The following KIAA1328 variants were observed in gnomAD, a reference collection of about 807,000 sequenced individuals.
KIAA1328 encodes protein hinderin.
In KIAA1328, 52 loss-of-function variants were observed where a neutral mutation model predicts 68.1. The ratio of observed to expected loss-of-function variants is 0.76; its 90% CI spans 0.61 to 0.96. The LOEUF (loss-of-function observed/expected upper bound fraction) is 0.96. Ranked by LOEUF, KIAA1328 falls within the 40% of genes least tolerant of loss-of-function variation. KIAA1328 has a pLI of 0.00. For missense variants in KIAA1328, 641 were observed against 677.6 expected (o/e 0.95, Z 0.60); for synonymous variants, 232 against 239.4 (o/e 0.97, Z 0.28).
At chr18:36,868,163 G>A (rs887107411) in intron 4 of KIAA1328, among the ~76,000 whole-genome samples, 1 of 152,174 alleles carries the variant, frequency 6.6e-6, no homozygotes, top group African/African-American at 2.4e-5. Flanking sequence ...GCCACAAAGA[G>A]AAATTAGGGG....
intron 7 of KIAA1328, among the ~76,000 whole-genome samples, chr18:37,105,916 CAAAAAAAAAAAAAAAAAA>C (rs58940699): frequency 5.1e-5 from 1 of 19,502 alleles, no homozygotes; most frequent in African/African-American, 1.2e-4. Context: ...GACTCTGTGT[CAAAAAAAAAAAAAAAAAA>C]AAAAAAAAAA....
intron 6 of KIAA1328, among the ~76,000 whole-genome samples, chr18:37,040,890 A>C (rs1442273870): frequency 6.6e-6 from 1 of 151,828 alleles, no homozygotes; most frequent in Non-Finnish European, 1.5e-5. Flanking sequence ...ATTTAAATCT[A>C]TAATGATTGG....
intron 7 of KIAA1328, among the ~76,000 whole-genome samples, chr18:37,082,125 T>C: frequency 6.6e-6 from 1 of 151,866 alleles, no homozygotes; most frequent in East Asian, 1.9e-4. Flanking sequence ...CTTTTAACTT[T>C]TATATATCTT....
chr18:36,983,402 G>A (rs543543145), intron 6 of KIAA1328, among the ~76,000 whole-genome samples: 5 of 152,048 alleles, frequency 3.3e-5, no homozygotes, highest in Admixed American at 6.5e-5. Context: ...GTTAAAATAC[G>A]TGAAGCAAAT....
chr18:36,855,602 T>C (rs2047356469), intron 4 of KIAA1328, among the ~76,000 whole-genome samples: 1 of 152,042 alleles, frequency 6.6e-6, no homozygotes, highest in Non-Finnish European at 1.5e-5. Context: ...TTTTGGGTTT[T>C]CTTTTCAGTT....
At chr18:37,081,405 A>G (rs1006649743) in intron 7 of KIAA1328, among the ~76,000 whole-genome samples, 7 of 152,164 alleles carry the variant, frequency 4.6e-5, no homozygotes, top group African/African-American at 1.4e-4. Flanking sequence ...ATTAATCAGT[A>G]TCACAATTTA....
At chr18:36,947,642 A>G (rs1258853320) in intron 5 of KIAA1328, among the ~76,000 whole-genome samples, 1 of 152,156 alleles carries the variant, frequency 6.6e-6, no homozygotes, top group Non-Finnish European at 1.5e-5. Flanking sequence ...CCTTAGAGGC[A>G]ATTGATGGCA....
intron 6 of KIAA1328, among the ~76,000 whole-genome samples, chr18:37,045,557 T>G (rs1308255824): frequency 1.3e-5 from 2 of 152,284 alleles, no homozygotes; most frequent in South Asian, 4.1e-4. Context: ...CCTTATTGAC[T>G]TCATAGTACT....
At chr18:36,862,149 A>T (rs1256292837) in intron 4 of KIAA1328, among the ~76,000 whole-genome samples, 2 of 152,220 alleles carry the variant, frequency 1.3e-5, no homozygotes, top group African/African-American at 4.8e-5. Context: ...TAATATTTTG[A>T]TTACAGTACA....
At position 37,093,658 on chromosome 18, in the gene KIAA1328, T is replaced by G. The variant is rs918339533; in HGVS notation, c.1232+26113T>G. Among the ~76,000 whole-genome samples the G allele has an allele frequency of 2.0e-5, 3 of 152,182 alleles. No individual in the cohort carries two copies. In the East Asian group the frequency reaches 5.8e-4, roughly 29 times the overall value. On this transcript the variant is annotated intron_variant, in intron 7 of 9. Coordinates refer to ENST00000280020, the MANE Select transcript of KIAA1328 (RefSeq NM_020776.3). ...CTATGTGATGTATAGGGCCACATAA[T>G]GGGACCAAGTATTCTAATTTTAGGA...
chr18:37,086,049 A>T (rs1450365336), intron 7 of KIAA1328, among the ~76,000 whole-genome samples: 2 of 152,200 alleles, frequency 1.3e-5, no homozygotes, highest in African/African-American at 4.8e-5. Flanking sequence ...TATATGTAGA[A>T]TCCAAAAAGG....
intron 9 of KIAA1328, among the ~76,000 whole-genome samples, chr18:37,194,398 A>G: frequency 6.6e-6 from 1 of 152,098 alleles, no homozygotes; most frequent in East Asian, 1.9e-4. Context: ...TTTTTTGTCC[A>G]CTTTCCACTG....
chr18:37,181,456 A>T (rs1180079623), intron 9 of KIAA1328, among the ~76,000 whole-genome samples: 1 of 152,084 alleles, frequency 6.6e-6, no homozygotes, highest in East Asian at 1.9e-4. Flanking sequence ...TGATGAAAAG[A>T]TACTGCTTTT....
chr18:36,903,273 G>T (rs991128710), intron 5 of KIAA1328, among the ~76,000 whole-genome samples: 6 of 152,070 alleles, frequency 3.9e-5, no homozygotes, highest in Admixed American at 2.0e-4. Flanking sequence ...CTCTTGCCTT[G>T]AATTTTGTAC....
chr18:36,868,765 A>G (rs1341075520), intron 4 of KIAA1328, among the ~76,000 whole-genome samples: 1 of 152,200 alleles, frequency 6.6e-6, no homozygotes, highest in Admixed American at 6.5e-5. Context: ...CTTGGGCACT[A>G]ACTCATTTGA....
intron 6 of KIAA1328, among the ~76,000 whole-genome samples, chr18:37,020,598 G>C (rs985535975): frequency 6.6e-6 from 1 of 152,190 alleles, no homozygotes; most frequent in African/African-American, 2.4e-5. Flanking sequence ...AGCTTCCTTT[G>C]TAAAGGAAAT....
intron 8 of KIAA1328, among the ~76,000 whole-genome samples, chr18:37,162,879 C>G (rs901067261): frequency 2.1e-5 from 3 of 146,258 alleles, no homozygotes; most frequent in African/African-American, 7.6e-5. Context: ...TGATGCTAAA[C>G]ATGTTAAAAA....
chr18:36,931,840 A>T (rs201957390), intron 5 of KIAA1328, among the ~76,000 whole-genome samples: 9 of 98,296 alleles, frequency 9.2e-5, no homozygotes, highest in Non-Finnish European at 1.9e-4. Flanking sequence ...TCATTTTTTT[A>T]ATTTTTAGTT....
Position 37,068,543 on chromosome 18 carries a change from G to A in KIAA1328, c.1232+998G>A, listed in dbSNP as rs764912121. 4.5e-4 allele frequency among the ~76,000 whole-genome samples: 68 copies of A among 151,896 alleles called. 1 individual carries two copies. The highest frequency in any genetic ancestry group is 2.0e-3 in the Admixed American group (31 of 15,238). On this transcript the variant is annotated intron_variant, in intron 7 of 9. Coordinates refer to ENST00000280020, the MANE Select transcript of KIAA1328 (RefSeq NM_020776.3). ...AATACGTGTATAGTGACATTTCATC[G>A]CAGTCTTAATTTGCATTTCACTAAT...
Sources: gnomAD v4.1 joint callset for allele counts (sites outside exome capture counted in the v4.1 genomes callset) on GRCh38, gnomAD v4.1.1 for gene constraint, MANE v1.5 for transcripts, NCBI Gene and HGNC (gene_info 2026-07-23, HGNC 2026-07-21) for gene names.